Variants in ABTB2 observed in about 807,000 individuals in gnomAD.
The protein encoded by ABTB2 is ankyrin repeat and BTB domain containing 2, also known as ankyrin repeat and BTB/POZ domain-containing protein 2.
A neutral mutation model predicts 104.1 loss-of-function variants in ABTB2; 56 were observed. The ratio of observed to expected loss-of-function variants is 0.54; its 90% CI spans 0.43 to 0.67. The LOEUF is 0.67. Ranked by LOEUF, ABTB2 falls within the 30% of genes least tolerant of loss-of-function variation. The pLI, the probability that ABTB2 is intolerant of heterozygous loss-of-function variation, is 0.00. For missense variants in ABTB2, 1,279 were observed against 1,407.7 expected (o/e 0.91, Z 1.46); for synonymous variants, 606 against 608.2 (o/e 1.00, Z 0.05).
Position 34,171,219 on chromosome 11 carries a change from G to C in ABTB2, c.1398-148C>G, listed in dbSNP as rs894769628. 3.8e-6 allele frequency: 3 copies of C among 793,200 alleles called. No homozygotes were observed. The African/African-American group carries it at 5.3e-5, about 14-fold the overall frequency. 49.1% of individuals were successfully genotyped at this position (793,200 alleles called of 1,614,324 possible). A position where few individuals can be genotyped will look rare whatever the true frequency, so the allele number is the denominator to read the frequency against. ...AGTTATGATCAGATCAGCAATTACT[G>C]TCCCCATCATGTTCTGTCATATGAA... On this transcript the variant is annotated intron_variant, in intron 4 of 16. Transcript: ENST00000435224.
intron 1 of ABTB2, among the ~76,000 whole-genome samples, chr11:34,231,547 T>C (rs1853769042): frequency 6.6e-6 from 1 of 152,176 alleles, no homozygotes. Flanking sequence ...TGACAAGTCA[T>C]GTTGATAGTG....
chr11:34,207,400 G>C (rs1853422338), intron 1 of ABTB2, among the ~76,000 whole-genome samples: 1 of 152,234 alleles, frequency 6.6e-6, no homozygotes, highest in Non-Finnish European at 1.5e-5. Context: ...CCCACCCAAA[G>C]AGGCCTTCAC....
chr11:34,300,916 A>G (rs139304040), intron 1 of ABTB2, among the ~76,000 whole-genome samples: 2 of 152,316 alleles, frequency 1.3e-5, no homozygotes, highest in African/African-American at 4.8e-5. Context: ...TTACTTATAC[A>G]TCCATCCACC....
chr11:34,293,643 G>A (rs140535145), intron 1 of ABTB2, among the ~76,000 whole-genome samples: 4 of 152,298 alleles, frequency 2.6e-5, no homozygotes, highest in Middle Eastern at 3.4e-3. Flanking sequence ...CTTCCAAGGT[G>A]CAGAAAAAAA....
intron 1 of ABTB2, chr11:34,242,560 G>T (rs935097720): frequency 6.6e-6 from 1 of 152,382 alleles, no homozygotes; most frequent in African/African-American, 2.4e-5. Context: ...GGCGATGGAG[G>T]GGGGTGGCTG....
intron 1 of ABTB2, among the ~76,000 whole-genome samples, chr11:34,247,369 T>A (rs1229059204): frequency 6.6e-6 from 1 of 152,260 alleles, no homozygotes; most frequent in African/African-American, 2.4e-5. Context: ...GTAGCAGCAG[T>A]ACTTCAAGTA....
At chr11:34,178,703 T>C (rs1852986953) in intron 3 of ABTB2, among the ~76,000 whole-genome samples, 1 of 152,250 alleles carries the variant, frequency 6.6e-6, no homozygotes, top group South Asian at 2.1e-4. Context: ...TTCTGCCTGC[T>C]GAATTTTTCC....
At chr11:34,218,779 G>T (rs1281016733) in intron 1 of ABTB2, among the ~76,000 whole-genome samples, 1 of 149,772 alleles carries the variant, frequency 6.7e-6, no homozygotes, top group Non-Finnish European at 1.5e-5. Flanking sequence ...CCAGGAGGTG[G>T]AGGTTGCTGT....
intron 1 of ABTB2, among the ~76,000 whole-genome samples, chr11:34,286,016 AT>A (rs1479664881): frequency 1.3e-5 from 2 of 152,116 alleles, no homozygotes; most frequent in African/African-American, 4.8e-5. Flanking sequence ...AGAGATTTAC[AT>A]TGCACATTTA....
At chr11:34,195,600 C>T (rs1853244649) in intron 3 of ABTB2, among the ~76,000 whole-genome samples, 1 of 152,194 alleles carries the variant, frequency 6.6e-6, no homozygotes, top group South Asian at 2.1e-4. Flanking sequence ...TTTTATATTC[C>T]TCTTAGTGAC....
Position 34,252,286 on chromosome 11 carries a change from C to G in ABTB2, c.884-47596G>C, listed in dbSNP as rs979728445. Reference sequence around the variant, plus strand: ...ATGCACGAGCCTCTTCCTGAACCATCGCATCTCCCCACTTCCTATCAGCCT... The same window carrying G: ...ATGCACGAGCCTCTTCCTGAACCATGGCATCTCCCCACTTCCTATCAGCCT... On this transcript the variant is annotated intron_variant, in intron 1 of 16. Coordinates refer to ENST00000435224, the MANE Select transcript of ABTB2 (RefSeq NM_145804.3). The surrounding 1 kb of genome is among the most constrained non-coding windows in gnomAD (Gnocchi z 5.5). Among the ~76,000 whole-genome samples the G allele has an allele frequency of 6.6e-6, 1 of 152,198 alleles. No individual in the cohort carries two copies. Among genetic ancestry groups the G allele is most frequent in the Non-Finnish European group, 1.5e-5 (1 of 68,024 alleles).
At chr11:34,292,097 A>G (rs1854570145) in intron 1 of ABTB2, among the ~76,000 whole-genome samples, 1 of 152,150 alleles carries the variant, frequency 6.6e-6, no homozygotes, top group Non-Finnish European at 1.5e-5. Context: ...GAGCAAATCT[A>G]AATAGACCTT....
intron 1 of ABTB2, among the ~76,000 whole-genome samples, chr11:34,238,139 G>A (rs1043665866): frequency 6.6e-6 from 1 of 152,222 alleles, no homozygotes; most frequent in South Asian, 2.1e-4. Context: ...CAGCCTCTCT[G>A]GCTACCCACA....
At chr11:34,305,441 A>G (rs986771420) in intron 1 of ABTB2, among the ~76,000 whole-genome samples, 5 of 152,218 alleles carry the variant, frequency 3.3e-5, no homozygotes, top group African/African-American at 1.2e-4. Flanking sequence ...CAGTAACACC[A>G]CATGGGCCTC....
At chr11:34,347,359 C>G (rs1387583495) in intron 1 of ABTB2, among the ~76,000 whole-genome samples, 6 of 152,138 alleles carry the variant, frequency 3.9e-5, no homozygotes, top group Non-Finnish European at 8.8e-5. Flanking sequence ...TTGCTTGAAC[C>G]TGGAAGGAGG....
intron 1 of ABTB2, among the ~76,000 whole-genome samples, chr11:34,244,016 C>T (rs1024828360): frequency 3.9e-5 from 6 of 152,210 alleles, no homozygotes; most frequent in South Asian, 4.1e-4. Flanking sequence ...AACAGCCCCC[C>T]GCTGAAATTC....
intron 1 of ABTB2, among the ~76,000 whole-genome samples, chr11:34,227,143 G>A (rs575733426): frequency 2.0e-5 from 3 of 151,600 alleles, no homozygotes; most frequent in Non-Finnish European, 4.4e-5. Flanking sequence ...ATATGGTGGC[G>A]CACACCTGTA....
chr11:34,322,638 T>C (rs1855019333), intron 1 of ABTB2, among the ~76,000 whole-genome samples: 1 of 152,042 alleles, frequency 6.6e-6, no homozygotes, highest in African/African-American at 2.4e-5. Context: ...TTATTAATCA[T>C]GACAATGGCA....
At position 34,154,300 on chromosome 11, in the gene ABTB2, T is replaced by C. The variant is rs745611068; in HGVS notation, c.2845A>G (p.Met949Val). Residue 949 changes from methionine (M) to valine (V), a missense_variant, in exon 16 of 17, where the codon ATG (methionine) becomes GTG (valine). Coordinates refer to ENST00000435224, the MANE Select transcript of ABTB2 (RefSeq NM_145804.3). The surrounding 1 kb of genome is among the most constrained non-coding windows in gnomAD (Gnocchi z 4.9). ...TTGTAGGTGTTCACGGCACTCTCCA[T>C]GCTGAGGGTCTGGGAGCACAGGATC... ...CEILCSQTLSMESAVNTYKYA... is the reference protein window; with the variant it reads ...CEILCSQTLSVESAVNTYKYA... 6.2e-7 allele frequency: 1 copy of C among 1,614,106 alleles called. No homozygotes were observed. The highest frequency in any genetic ancestry group is 1.1e-5 in the South Asian group (1 of 91,062).
Sources: allele counts gnomAD v4.1 joint callset (sites outside exome capture counted in the v4.1 genomes callset), GRCh38; gene constraint gnomAD v4.1.1; non-coding constraint Gnocchi (gnomAD v3.1); transcripts MANE v1.5; gene names NCBI Gene and HGNC (gene_info 2026-07-23, HGNC 2026-07-21).